Variants in C1orf21 observed in about 807,000 individuals in gnomAD.
C1orf21 encodes chromosome 1 open reading frame 21.
A neutral mutation model predicts 18.7 loss-of-function variants in C1orf21; 3 were observed. That is an observed-to-expected ratio of 0.16 (90% CI 0.07 to 0.42). The LOEUF (loss-of-function observed/expected upper bound fraction) is 0.42. Ranked by LOEUF, C1orf21 falls within the 10% of genes least tolerant of loss-of-function variation. The pLI is 0.99. For synonymous variants in C1orf21, 41 were observed against 46.4 expected, an observed-to-expected ratio of 0.88 and a Z score of 0.47; for missense variants, 104 against 143.6, an observed-to-expected ratio of 0.72 and a Z score of 1.41.
At chr1:184,402,984 T>C (rs776023057) in intron 1 of C1orf21, among the ~76,000 whole-genome samples, 22 of 152,206 alleles carry the variant, frequency 1.4e-4, no homozygotes, top group Non-Finnish European at 2.9e-4. Context: ...CCCTTATCTT[T>C]CAGGGTAGCA....
rs367614172 is a variant in C1orf21, at chr1:184,398,602, A to G, written c.-125+11234A>G. The stretch of plus-strand genomic sequence containing the variant: ...TTTAGATGATTTCATCATTGTGCAT[A>G]CATCATAGAGTGTACTTACACAAAC... On this transcript the variant is annotated intron_variant, in intron 1 of 5. Coordinates refer to ENST00000235307, the MANE Select transcript of C1orf21 (RefSeq NM_030806.4). 9.6e-4 allele frequency among the ~76,000 whole-genome samples: 146 copies of G among 152,316 alleles called. 3 individuals carry two copies. In the South Asian group the frequency reaches 0.029, roughly 31 times the overall value.
intron 1 of C1orf21, among the ~76,000 whole-genome samples, chr1:184,436,066 C>T (rs1036335167): frequency 6.6e-6 from 1 of 151,788 alleles, no homozygotes; most frequent in Non-Finnish European, 1.5e-5. Context: ...GAGAATGGGA[C>T]GTGTGGGAGA....
chr1:184,502,725 A>G (rs1657995665), intron 2 of C1orf21, among the ~76,000 whole-genome samples: 1 of 152,138 alleles, frequency 6.6e-6, no homozygotes, highest in Admixed American at 6.5e-5. Context: ...AGTCTCTGCA[A>G]ACTTAAAGAC....
chr1:184,507,719 G>A, intron 3 of C1orf21, 37 bp downstream of exon 3: 1 of 1,518,188 alleles, frequency 6.6e-7, no homozygotes, highest in Non-Finnish European at 8.9e-7. Flanking sequence ...ATGAATTTTG[G>A]TGACACTATT....
chr1:184,499,199 A>G (rs9970629), intron 2 of C1orf21, among the ~76,000 whole-genome samples: 12,866 of 152,126 alleles, frequency 0.085, 687 homozygotes, highest in African/African-American at 0.14. Flanking sequence ...TTAGTGAAGG[A>G]AAATATCCTT....
intron 5 of C1orf21, 114 bp downstream of exon 5, chr1:184,598,575 TG>T (rs1659547915): frequency 1.9e-6 from 2 of 1,056,180 alleles, no homozygotes; most frequent in African/African-American, 3.2e-5. Flanking sequence ...TGTGAAGGTT[TG>T]GGTGGAGAGT....
At chr1:184,588,417 T>G (rs1490310562) in intron 3 of C1orf21, among the ~76,000 whole-genome samples, 1 of 152,072 alleles carries the variant, frequency 6.6e-6, no homozygotes, top group Non-Finnish European at 1.5e-5. Context: ...AATTTGGAGA[T>G]TATAGGTAAA....
chr1:184,414,861 T>A (rs1227338779), intron 1 of C1orf21, among the ~76,000 whole-genome samples: 3 of 152,190 alleles, frequency 2.0e-5, no homozygotes, highest in Non-Finnish European at 2.9e-5. Flanking sequence ...TGGCCACCTT[T>A]AGGTCAATTA....
Position 184,625,236 on chromosome 1 carries a change from A to G in C1orf21, c.*5680A>G, listed in dbSNP as rs971449819. ...ACTTAGAGGCAGTATAAAGAACACC[A>G]TAAACTTAGGCAGAGGTCCCTTAGG... On this transcript the variant is annotated 3_prime_UTR_variant, in exon 6 of 6. Coordinates refer to ENST00000235307, the MANE Select transcript of C1orf21 (RefSeq NM_030806.4). 6.6e-6 allele frequency: 1 copy of G among 152,312 alleles called. No homozygotes were observed. Among genetic ancestry groups the G allele is most frequent in the African/African-American group, 2.4e-5 (1 of 41,450 alleles). The allele number at this position is 152,312 out of a possible 1,614,324, so 9.4% of individuals were successfully genotyped here. A position where few individuals can be genotyped will look rare whatever the true frequency, so the allele number is the denominator to read the frequency against.
intron 1 of C1orf21, among the ~76,000 whole-genome samples, chr1:184,396,076 G>T (rs1656046225): frequency 6.6e-6 from 1 of 152,174 alleles, no homozygotes; most frequent in African/African-American, 2.4e-5. Context: ...GGAGCCATGT[G>T]GTTATGGATT....
At chr1:184,553,050 G>C (rs1658833264) in intron 3 of C1orf21, among the ~76,000 whole-genome samples, 1 of 152,150 alleles carries the variant, frequency 6.6e-6, no homozygotes. Context: ...GGTCATAATA[G>C]GTGCTCAATA....
At chr1:184,417,543 A>G (rs1656472808) in intron 1 of C1orf21, among the ~76,000 whole-genome samples, 1 of 152,230 alleles carries the variant, frequency 6.6e-6, no homozygotes, top group African/African-American at 2.4e-5. Context: ...CAGGGATTTA[A>G]AATTTGAGGT....
At chr1:184,505,906 G>T (rs979428143) in intron 2 of C1orf21, among the ~76,000 whole-genome samples, 1 of 151,566 alleles carries the variant, frequency 6.6e-6, no homozygotes, top group African/African-American at 2.4e-5. Context: ...GTGTAATTGT[G>T]TTGGGGGCAA....
rs115565656 is a variant in C1orf21 at position 184,511,602 on chromosome 1, T to C, written c.189+3920T>C. Reference sequence around the variant, plus strand: ...GAATGAATAGGCATAGTTGGGCCTATAGGTATACATTTAGATCAAGTTGAT... The same window carrying C: ...GAATGAATAGGCATAGTTGGGCCTACAGGTATACATTTAGATCAAGTTGAT... On this transcript the variant is annotated intron_variant, in intron 3 of 5. Coordinates refer to ENST00000235307, the MANE Select transcript of C1orf21 (RefSeq NM_030806.4). Among the ~76,000 whole-genome samples the C allele has an allele frequency of 4.8e-3, 730 of 152,312 alleles. 7 individuals are homozygous for C. The highest frequency in any genetic ancestry group is 0.017 in the African/African-American group (699 of 41,568).
intron 1 of C1orf21, among the ~76,000 whole-genome samples, chr1:184,410,684 G>T (rs1656336803): frequency 4.6e-5 from 1 of 21,692 alleles, no homozygotes; most frequent in Non-Finnish European, 9.5e-5. Flanking sequence ...TTTTTTTTGA[G>T]ATGGAGTTTC....
chr1:184,550,176 T>A (rs2101981309), intron 3 of C1orf21, among the ~76,000 whole-genome samples: 1 of 152,328 alleles, frequency 6.6e-6, no homozygotes, highest in East Asian at 1.9e-4. Context: ...TGAATCTTGT[T>A]TTGTAAAAAC....
At chr1:184,589,122 C>G (rs1395593837) in intron 3 of C1orf21, among the ~76,000 whole-genome samples, 1 of 152,188 alleles carries the variant, frequency 6.6e-6, no homozygotes, top group Non-Finnish European at 1.5e-5. Context: ...TTTCCTGCCT[C>G]AGCAATGTTT....
intron 3 of C1orf21, among the ~76,000 whole-genome samples, chr1:184,578,904 C>T (rs192646937): frequency 3.3e-5 from 5 of 150,792 alleles, no homozygotes; most frequent in African/African-American, 4.9e-5. Flanking sequence ...AGCTCTGTCA[C>T]GTTTGAGACA....
intron 1 of C1orf21, among the ~76,000 whole-genome samples, chr1:184,425,132 T>C (rs984670705): frequency 2.0e-5 from 3 of 152,174 alleles, no homozygotes; most frequent in South Asian, 4.1e-4. Flanking sequence ...CTCTATCCCA[T>C]GTGATTGGGT....
Sources: allele counts gnomAD v4.1 joint callset (sites outside exome capture counted in the v4.1 genomes callset), GRCh38; gene constraint gnomAD v4.1.1; transcripts MANE v1.5; gene names NCBI Gene and HGNC (gene_info 2026-07-23, HGNC 2026-07-21).